The following ERCC6 variants were observed in gnomAD, a reference collection of about 807,000 sequenced individuals.
ERCC6 encodes DNA excision repair protein ERCC-6.
In ERCC6, 116 loss-of-function variants were observed where a neutral mutation model predicts 158.7. That is an observed-to-expected ratio of 0.73 (90% CI 0.63 to 0.85). The LOEUF (loss-of-function observed/expected upper bound fraction) is 0.85. Ranked by LOEUF, ERCC6 falls within the 40% of genes least tolerant of loss-of-function variation. The probability of loss-of-function intolerance (pLI) is 0.00; values close to 1 mark genes in which losing one functional copy is unlikely to be tolerated. For missense variants in ERCC6, 1,698 were observed against 1,799.4 expected (o/e 0.94, Z 1.02); for synonymous variants, 678 against 659.3 (o/e 1.03, Z -0.43).
At chr10:49,527,035 A>C (rs1267629835) in intron 4 of ERCC6, among the ~76,000 whole-genome samples, 1 of 152,230 alleles carries the variant, frequency 6.6e-6, no homozygotes, top group African/African-American at 2.4e-5. Flanking sequence ...TCAGAGGGCT[A>C]AAAAGAAAAC....
chr10:49,497,048 G>A (rs971667), intron 7 of ERCC6, among the ~76,000 whole-genome samples: 29,730 of 152,106 alleles, frequency 0.2, 3,327 homozygotes, highest in South Asian at 0.35. Context: ...TACAGTCACT[G>A]TCCCTGCCCT....
At position 49,530,779 on chromosome 10, in the gene ERCC6, C is replaced by A. The variant is rs750464264; in HGVS notation, c.484G>T (p.Ala162Ser). Reference protein sequence around the residue: ...KIIEQLSPQAATSRDINRKLD... With the variant: ...KIIEQLSPQASTSRDINRKLD... Reference sequence around the variant, plus strand: ...TTCCTGTTGATGTCTCTGCTGGTGGCAGCTTGAGGGCTAAGCTGTTCAATA... The same window carrying A: ...TTCCTGTTGATGTCTCTGCTGGTGGAAGCTTGAGGGCTAAGCTGTTCAATA... The change falls in exon 3 of 21, where the codon GCC (alanine) becomes TCC (serine). Residue 162 changes from alanine to serine, a missense_variant. Coordinates refer to ENST00000355832, the MANE Select transcript of ERCC6 (RefSeq NM_000124.4). The A allele has an allele frequency of 9.3e-6, 15 of 1,613,608 alleles. No homozygotes were observed. Among genetic ancestry groups the A allele is most frequent in the Non-Finnish European group, 1.3e-5 (15 of 1,179,902 alleles).
chr10:49,463,699 G>A (rs186865820), intron 18 of ERCC6, among the ~76,000 whole-genome samples: 4 of 152,280 alleles, frequency 2.6e-5, no homozygotes, highest in Admixed American at 1.3e-4. Flanking sequence ...TTATGAAGAT[G>A]CGTCTTTCCT....
At chr10:49,466,021 T>G (rs1036202805) in intron 18 of ERCC6, among the ~76,000 whole-genome samples, 3 of 152,190 alleles carry the variant, frequency 2.0e-5, no homozygotes, top group Non-Finnish European at 2.9e-5. Flanking sequence ...ACTATGTTAA[T>G]GTGTTACTAC....
intron 7 of ERCC6, among the ~76,000 whole-genome samples, chr10:49,497,200 G>T (rs187925706): frequency 1.3e-5 from 2 of 152,338 alleles, no homozygotes; most frequent in Admixed American, 1.3e-4. Flanking sequence ...AGGAGAGTGG[G>T]ACTCTGCCTG....
intron 10 of ERCC6, among the ~76,000 whole-genome samples, chr10:49,480,118 C>T (rs1057102691): frequency 7.9e-5 from 12 of 152,188 alleles, no homozygotes; most frequent in Admixed American, 7.9e-4. Flanking sequence ...TGCCCTGCCC[C>T]AGCTGAGCAC....
chr10:49,483,239 T>C (rs537332660), intron 9 of ERCC6, 107 bp downstream of exon 9: 4 of 1,195,548 alleles, frequency 3.3e-6, no homozygotes, highest in Admixed American at 3.6e-5. Context: ...TCTTGTGCAG[T>C]TGGCACAAGG....
chr10:49,539,212 C>A (rs980686908), upstream of ERCC6, among the ~76,000 whole-genome samples: 2 of 152,250 alleles, frequency 1.3e-5, no homozygotes, highest in Non-Finnish European at 2.9e-5. Flanking sequence ...TACTTGCGTG[C>A]GAGCAGGGCG....
chr10:49,518,046 A>T (rs1837037638), intron 5 of ERCC6, among the ~76,000 whole-genome samples: 1 of 152,284 alleles, frequency 6.6e-6, no homozygotes, highest in Non-Finnish European at 1.5e-5. Flanking sequence ...TTGCCGAAGC[A>T]CAGCCTAAAA....
rs771252681 is a variant in ERCC6, at chr10:49,524,476, G to A, written c.954C>T (p.Ala318=). Residue 318 remains alanine, a synonymous_variant, in exon 5 of 21, where the codon GCC becomes GCT. Transcript: ENST00000355832. ...GCTCCTCTTTTTTGGACAGAACTCT[G>A]GCTTTCTTGTTTGGTTTGTTTTTAT... ...VQNKNKPNKK[A]RVLSKKEERL... 5 of 1,614,190 alleles carry A rather than the reference G, an allele frequency of 3.1e-6. No individual in the cohort carries two copies. In the East Asian group the frequency reaches 6.7e-5, roughly 22 times the overall value.
chr10:49,483,672 T>C (rs1201213818), intron 8 of ERCC6, among the ~76,000 whole-genome samples, 156 bp from the exon 9 acceptor site: 1 of 152,148 alleles, frequency 6.6e-6, no homozygotes, highest in Non-Finnish European at 1.5e-5. Context: ...CTTGTTAACC[T>C]GGCAAGTAGT....
chr10:49,442,109 C>T, the ERCC6 span, among the ~76,000 whole-genome samples: 1 of 152,200 alleles, frequency 6.6e-6, no homozygotes, highest in Non-Finnish European at 1.5e-5. Flanking sequence ...CAAGCTGAAT[C>T]GCCAGAACTG....
chr10:49,509,335 T>A (rs1443087103), intron 5 of ERCC6, among the ~76,000 whole-genome samples: 1 of 152,214 alleles, frequency 6.6e-6, no homozygotes, highest in Admixed American at 6.5e-5. Flanking sequence ...ATACTATTAC[T>A]ATGTTCACTG....
chr10:49,448,564 C>G, the ERCC6 span, among the ~76,000 whole-genome samples: 3 of 152,190 alleles, frequency 2.0e-5, no homozygotes, highest in Non-Finnish European at 4.4e-5. Context: ...TTTTCATCAT[C>G]TGAAAACCTA....
At chr10:49,473,790 G>A (rs1197486804) in intron 13 of ERCC6, among the ~76,000 whole-genome samples, 1 of 152,204 alleles carries the variant, frequency 6.6e-6, no homozygotes, top group Non-Finnish European at 1.5e-5. Flanking sequence ...AACAGCCAAA[G>A]CTCAGGCCTA....
intron 2 of ERCC6, among the ~76,000 whole-genome samples, chr10:49,531,572 C>T (rs1231261048): frequency 6.6e-6 from 1 of 152,172 alleles, no homozygotes; most frequent in East Asian, 1.9e-4. Context: ...TCCTCTGTCA[C>T]CTCTGGAGAA....
intron 7 of ERCC6, 27 bp downstream of exon 7, chr10:49,500,511 A>G: frequency 1.2e-6 from 2 of 1,612,182 alleles, no homozygotes; most frequent in Non-Finnish European, 1.7e-6. Flanking sequence ...AGCTCCACAG[A>G]CTGACAGTCT....
At chr10:49,436,168 C>T in the ERCC6 span, among the ~76,000 whole-genome samples, 1 of 152,130 alleles carries the variant, frequency 6.6e-6, no homozygotes, top group Non-Finnish European at 1.5e-5. Context: ...TGAAATTGAA[C>T]CTCTACCTCT....
chr10:49,440,094 C>T, the ERCC6 span, among the ~76,000 whole-genome samples: 2 of 152,192 alleles, frequency 1.3e-5, no homozygotes, highest in Non-Finnish European at 2.9e-5. Context: ...AAGTCACTTC[C>T]ACATTTTTGG....
Sources: allele counts gnomAD v4.1 joint callset (sites outside exome capture counted in the v4.1 genomes callset), GRCh38; gene constraint gnomAD v4.1.1; transcripts MANE v1.5; gene names NCBI Gene and HGNC (gene_info 2026-07-23, HGNC 2026-07-21).